The following FUT8 variants were observed in gnomAD, a reference collection of about 807,000 sequenced individuals.
FUT8 encodes the protein fucosyltransferase 8.
In FUT8, 29 loss-of-function variants were observed where a neutral mutation model predicts 71.3. The observed-to-expected ratio is 0.41, with a 90% CI of 0.30 to 0.55. The LOEUF is 0.55. Among genes scored for constraint, FUT8 ranks in the 20% least tolerant of loss-of-function variants. The pLI is 0.34. For synonymous variants in FUT8, 254 were observed against 239.3 expected (o/e 1.06, Z -0.57); for missense variants, 544 against 702.1 (o/e 0.77, Z 2.55).
the FUT8 span, among the ~76,000 whole-genome samples, chr14:65,372,932 G>T: frequency 6.2e-4 from 94 of 152,246 alleles, no homozygotes; most frequent in Non-Finnish European, 6.5e-4. Flanking sequence ...TCCTGTATGA[G>T]AATGAGGCAC....
At chr14:65,670,715 T>G (rs1168436656) in intron 7 of FUT8, among the ~76,000 whole-genome samples, 2 of 152,132 alleles carry the variant, frequency 1.3e-5, no homozygotes, top group Non-Finnish European at 2.9e-5. Flanking sequence ...TCATTTCTTT[T>G]GCCTCCTTTG....
At chr14:65,661,817 C>T (rs574151169) in intron 6 of FUT8, among the ~76,000 whole-genome samples, 100 of 152,134 alleles carry the variant, frequency 6.6e-4, no homozygotes, top group African/African-American at 2.3e-3. Flanking sequence ...TCTTTTTTTG[C>T]AAAGTGGAAA....
At chr14:65,676,134 G>T (rs756726999) in intron 7 of FUT8, among the ~76,000 whole-genome samples, 1 of 152,130 alleles carries the variant, frequency 6.6e-6, no homozygotes, top group Non-Finnish European at 1.5e-5. Flanking sequence ...TGAAAAAATA[G>T]TCTATTACCA....
chr14:65,512,160 G>C (rs1281881845), intron 2 of FUT8, among the ~76,000 whole-genome samples: 1 of 152,164 alleles, frequency 6.6e-6, no homozygotes, highest in Non-Finnish European at 1.5e-5. Flanking sequence ...TAAAATTATG[G>C]TATTTATAAT....
At chr14:65,618,037 ATATATATATATATATATG>A (rs1889386690) in intron 5 of FUT8, among the ~76,000 whole-genome samples, 1 of 108,978 alleles carries the variant, frequency 9.2e-6, no homozygotes, top group Non-Finnish European at 1.9e-5. Flanking sequence ...ATATATATAT[ATATATATATATATATATG>A]TATGTATATA....
At chr14:65,466,338 G>C (rs896950994) in intron 2 of FUT8, among the ~76,000 whole-genome samples, 1 of 152,148 alleles carries the variant, frequency 6.6e-6, no homozygotes, top group Non-Finnish European at 1.5e-5. Context: ...TCTACTCATT[G>C]TCCTTGTTCT....
chr14:65,469,205 G>A (rs571040515), intron 2 of FUT8, among the ~76,000 whole-genome samples: 130 of 152,232 alleles, frequency 8.5e-4, no homozygotes, highest in African/African-American at 3.1e-3. Flanking sequence ...AAAATTCCTG[G>A]TGATAATTTG....
At position 65,627,926 on chromosome 14, in the gene FUT8, G is replaced by A. The variant is rs761632857; in HGVS notation, c.483-1566G>A. Among the ~76,000 whole-genome samples, 1 of 152,136 alleles carries A rather than the reference G, an allele frequency of 6.6e-6. No homozygotes were observed. The highest frequency in any genetic ancestry group is 2.4e-5 in the African/African-American group (1 of 41,424). On this transcript the variant is annotated intron_variant, in intron 5 of 10. Coordinates refer to ENST00000673929, the MANE Select transcript of FUT8 (RefSeq NM_001371533.1). This position sits in a 1 kb window ranked among gnomAD's most constrained non-coding sequence, Gnocchi z 4.0. ...TCGCCTGACATTGCTTGGAGGTTAA[G>A]GGGGTGCCTTCTTCTGCCCTCTTAA... is the stretch of plus-strand genomic sequence containing the variant.
At chr14:65,365,535 C>T in the FUT8 span, among the ~76,000 whole-genome samples, 1 of 151,846 alleles carries the variant, frequency 6.6e-6, no homozygotes, top group Non-Finnish European at 1.5e-5. Flanking sequence ...GCACAAGATA[C>T]AGGTCATAAA....
chr14:65,478,157 C>CT (rs891117782), intron 2 of FUT8, among the ~76,000 whole-genome samples: 1 of 152,092 alleles, frequency 6.6e-6, no homozygotes, highest in African/African-American at 2.4e-5. Flanking sequence ...CAGATAGTAT[C>CT]TATCTTTGAG....
At chr14:65,588,429 T>TA (rs1384435017) in intron 3 of FUT8, among the ~76,000 whole-genome samples, 2 of 152,210 alleles carry the variant, frequency 1.3e-5, no homozygotes, top group African/African-American at 4.8e-5. Context: ...CATACCAAAT[T>TA]ATCGCTGTTA....
chr14:65,404,169 T>C, the FUT8 span, among the ~76,000 whole-genome samples: 1 of 148,632 alleles, frequency 6.7e-6, no homozygotes, highest in East Asian at 2.0e-4. Flanking sequence ...CGGGGCCAGA[T>C]TTGTTTGTTT....
At chr14:65,422,269 A>G (rs549945047) in intron 1 of FUT8, among the ~76,000 whole-genome samples, 2 of 152,244 alleles carry the variant, frequency 1.3e-5, no homozygotes, top group Admixed American at 6.5e-5. Flanking sequence ...GCTGGTGTTT[A>G]TCTTTTCCCT....
Position 65,472,817 on chromosome 14 carries a change from T to C in FUT8, c.-228+17099T>C, listed in dbSNP as rs878903379. 6.6e-6 allele frequency among the ~76,000 whole-genome samples: 1 copy of C among 152,156 alleles called. No individual in the cohort carries two copies. Among genetic ancestry groups the C allele is most frequent in the South Asian group, 2.1e-4 (1 of 4,834 alleles). On this transcript the variant is annotated intron_variant, in intron 2 of 10. Coordinates refer to ENST00000673929, the MANE Select transcript of FUT8 (RefSeq NM_001371533.1). This position sits in a 1 kb window ranked among gnomAD's most constrained non-coding sequence, Gnocchi z 4.4. ...GTTTATTCTTATTTTTTTTGTGATA[T>C]GGTAAAAAACTTAGTTCATATAATG...
chr14:65,649,434 C>T (rs1317201064), intron 6 of FUT8, among the ~76,000 whole-genome samples: 3 of 152,202 alleles, frequency 2.0e-5, no homozygotes, highest in Admixed American at 6.5e-5. Context: ...CCACAAGTCA[C>T]ATCTGAAATA....
chr14:65,507,782 T>G (rs2066759659), intron 2 of FUT8, among the ~76,000 whole-genome samples: 1 of 152,260 alleles, frequency 6.6e-6, no homozygotes, highest in East Asian at 1.9e-4. Flanking sequence ...GATATCTCTT[T>G]GATACACTGA....
In FUT8 at chr14:65,483,022, C is replaced by T. The variant is rs1334961539; in HGVS notation, c.-228+27304C>T. Among the ~76,000 whole-genome samples, 1 of 152,172 alleles carries T rather than the reference C, an allele frequency of 6.6e-6. No homozygotes were observed. Among genetic ancestry groups the T allele is most frequent in the African/African-American group, 2.4e-5 (1 of 41,450 alleles). ...GGCAGCAATACCCAGCAACCAGTGA[C>T]CCGAGGCCAGCAACTTCTTTTACTT... On this transcript the variant is annotated intron_variant, in intron 2 of 10. Coordinates refer to ENST00000673929, the MANE Select transcript of FUT8 (RefSeq NM_001371533.1). This position sits in a 1 kb window ranked among gnomAD's most constrained non-coding sequence, Gnocchi z 4.4.
chr14:65,453,111 G>A (rs2065851098), intron 1 of FUT8, among the ~76,000 whole-genome samples: 1 of 151,414 alleles, frequency 6.6e-6, no homozygotes, highest in Admixed American at 6.6e-5. Context: ...TGCCCTGTTG[G>A]GTGCTGGACA....
chr14:65,419,090 T>C (rs1382461955), intron 1 of FUT8, among the ~76,000 whole-genome samples: 1 of 151,916 alleles, frequency 6.6e-6, no homozygotes, highest in Non-Finnish European at 1.5e-5. Context: ...TAGTCGGGCA[T>C]GGTGGCACAT....
Sources: gnomAD v4.1 joint callset for allele counts (sites outside exome capture counted in the v4.1 genomes callset) on GRCh38, gnomAD v4.1.1 for gene constraint, Gnocchi (gnomAD v3.1) non-coding constraint, MANE v1.5 for transcripts, NCBI Gene and HGNC (gene_info 2026-07-23, HGNC 2026-07-21) for gene names.